The following NPSR1 variants were observed in gnomAD, a reference collection of about 807,000 sequenced individuals.
The protein encoded by NPSR1 is neuropeptide S receptor 1.
Under a neutral mutation model 46.9 loss-of-function variants are expected in NPSR1, and 48 were observed. That is an observed-to-expected ratio of 1.02 (90% CI 0.81 to 1.30). The LOEUF is 1.30. Among genes scored for constraint, NPSR1 ranks in the 50% most tolerant of loss-of-function variants. The probability of loss-of-function intolerance (pLI) is 0.00; values close to 1 mark genes in which losing one functional copy is unlikely to be tolerated. For synonymous variants in NPSR1, 176 were observed against 168.1 expected (o/e 1.05, Z -0.36); for missense variants, 450 against 449.5 (o/e 1.00, Z -0.01).
chr7:34,685,729 C>A, intron 2 of NPSR1: 1 of 422,650 alleles, frequency 2.4e-6, no homozygotes. Context: ...ACCTGAAATT[C>A]CCCTTTTTCT....
At chr7:34,853,518 C>T (rs2128766445), downstream of NPSR1, among the ~76,000 whole-genome samples, 1 of 152,290 alleles carries the variant, frequency 6.6e-6, no homozygotes, top group Admixed American at 6.5e-5. Flanking sequence ...AATACATTAT[C>T]CGCAACAGGC....
chr7:34,850,051 C>T, downstream of NPSR1: 2 of 925,960 alleles, frequency 2.2e-6, no homozygotes, highest in Non-Finnish European at 2.6e-6. Context: ...AAATAAAAGA[C>T]TTAATTAAGC....
chr7:34,664,322 T>C (rs115089566), intron 1 of NPSR1, among the ~76,000 whole-genome samples: 232 of 152,308 alleles, frequency 1.5e-3, no homozygotes, highest in African/African-American at 5.2e-3. Flanking sequence ...TAATTGCATG[T>C]CCTGTAGAGA....
intron 7 of NPSR1, among the ~76,000 whole-genome samples, chr7:34,847,054 G>T (rs1329443155): frequency 6.6e-6 from 1 of 152,124 alleles, no homozygotes; most frequent in Non-Finnish European, 1.5e-5. Flanking sequence ...CCAGTGTTTG[G>T]GTTAATTAAT....
At chr7:34,839,744 G>A (rs759954470) in intron 6 of NPSR1, among the ~76,000 whole-genome samples, 8 of 152,098 alleles carry the variant, frequency 5.3e-5, no homozygotes, top group South Asian at 2.1e-4. Context: ...ATTCTGCCAC[G>A]CTTAACAGAG....
intron 2 of NPSR1, among the ~76,000 whole-genome samples, chr7:34,716,706 C>CT (rs1472220958): frequency 1.3e-5 from 2 of 152,220 alleles, no homozygotes; most frequent in East Asian, 3.9e-4. Context: ...CAGGTATCCC[C>CT]TCACAATCCT....
chr7:34,702,883 G>T (rs1020721690), intron 2 of NPSR1, among the ~76,000 whole-genome samples: 3 of 152,148 alleles, frequency 2.0e-5, no homozygotes, highest in African/African-American at 4.8e-5. Flanking sequence ...AAAATGTCGG[G>T]GGACAAATGC....
intron 8 of NPSR1, among the ~76,000 whole-genome samples, chr7:34,866,185 C>A (rs1310413124): frequency 6.6e-6 from 1 of 151,794 alleles, no homozygotes; most frequent in Non-Finnish European, 1.5e-5. Flanking sequence ...ACAGATGAGG[C>A]AGAGGTGGAT....
At chr7:34,673,073 ACTC>A (rs1175558762) in intron 1 of NPSR1, among the ~76,000 whole-genome samples, 1 of 151,770 alleles carries the variant, frequency 6.6e-6, no homozygotes, top group Non-Finnish European at 1.5e-5. Context: ...GGCTACTTCT[ACTC>A]ATTGTTTCAG....
chr7:34,818,614 A>G (rs1305889790), intron 4 of NPSR1, among the ~76,000 whole-genome samples: 1 of 152,208 alleles, frequency 6.6e-6, no homozygotes, highest in Non-Finnish European at 1.5e-5. Flanking sequence ...TTGCCAAGAC[A>G]ATCCTAAGCA....
intron 8 of NPSR1, among the ~76,000 whole-genome samples, chr7:34,877,728 T>C (rs1346008070): frequency 1.3e-5 from 2 of 152,146 alleles, no homozygotes; most frequent in African/African-American, 4.8e-5. Context: ...GCAGAGTCAC[T>C]AGAGTAATTC....
intron 8 of NPSR1, among the ~76,000 whole-genome samples, chr7:34,872,521 C>T (rs1316821422): frequency 1.3e-5 from 2 of 151,886 alleles, no homozygotes. Flanking sequence ...TGCTACATGG[C>T]CTGTTTATTA....
chr7:34,728,163 G>T lies in NPSR1; in HGVS notation c.280+43479G>T, dbSNP rs1003058860. ...ACATATGTATACATGTGACATGCTG[G>T]TGTGCTGCACCCATTAACTCGTCAT... On this transcript the variant is annotated intron_variant, in intron 2 of 8. Transcript: ENST00000360581. Among the ~76,000 whole-genome samples, 10 of 151,940 alleles carry T rather than the reference G, an allele frequency of 6.6e-5. 1 individual carries two copies. Among genetic ancestry groups the T allele is most frequent in the Admixed American group, 5.2e-4 (8 of 15,256 alleles).
chr7:34,677,735 G>T (rs79006392), intron 1 of NPSR1, among the ~76,000 whole-genome samples: 5,115 of 152,326 alleles, frequency 0.034, 130 homozygotes, highest in Non-Finnish European at 0.055. Context: ...AGCCCCAGGG[G>T]ATTCCACTCC....
chr7:34,845,589 G>C (rs928603041), intron 7 of NPSR1: 24 of 455,464 alleles, frequency 5.3e-5, no homozygotes, highest in African/African-American at 4.8e-4. Context: ...AGGGCTCCTT[G>C]ATAAGTCTTT....
At chr7:34,799,004 A>G (rs970197736) in intron 3 of NPSR1, among the ~76,000 whole-genome samples, 4 of 152,138 alleles carry the variant, frequency 2.6e-5, no homozygotes, top group African/African-American at 9.6e-5. Flanking sequence ...TTAGAAAATA[A>G]AAAAATGTGA....
intron 1 of NPSR1, among the ~76,000 whole-genome samples, chr7:34,663,307 G>C (rs1791568344): frequency 6.6e-6 from 1 of 151,834 alleles, no homozygotes; most frequent in African/African-American, 2.4e-5. Flanking sequence ...CCTGGTACAG[G>C]GTGCTTGAAT....
Position 34,699,330 on chromosome 7 carries a change from A to T in NPSR1, c.280+14646A>T, listed in dbSNP as rs550544953. Among the ~76,000 whole-genome samples the T allele has an allele frequency of 6.4e-4, 97 of 152,342 alleles. 1 individual carries two copies. The highest frequency in any genetic ancestry group is 1.2e-3 in the Non-Finnish European group (82 of 68,030). On this transcript the variant is annotated intron_variant, in intron 2 of 8. Transcript: ENST00000360581. Reference sequence around the variant, plus strand: ...CCCTGTCTCTACTAAAAAATTTTTTAAATTAAAAGTTAAAAAATTAAATGA... The same window carrying T: ...CCCTGTCTCTACTAAAAAATTTTTTTAATTAAAAGTTAAAAAATTAAATGA...
chr7:34,752,455 T>A (rs1327243636), intron 2 of NPSR1, among the ~76,000 whole-genome samples: 1 of 152,178 alleles, frequency 6.6e-6, no homozygotes, highest in African/African-American at 2.4e-5. Flanking sequence ...CCTTTGTTAT[T>A]TTGTCATGCC....
Sources: allele counts gnomAD v4.1 joint callset (sites outside exome capture counted in the v4.1 genomes callset), GRCh38; gene constraint gnomAD v4.1.1; transcripts MANE v1.5; gene names NCBI Gene and HGNC (gene_info 2026-07-23, HGNC 2026-07-21).